MBTPS1: variants seen among roughly 807,000 people sequenced by gnomAD.
The protein encoded by MBTPS1 is membrane-bound transcription factor site-1 protease.
A neutral mutation model predicts 127.8 loss-of-function variants in MBTPS1; 94 were observed. The observed-to-expected ratio is 0.74, with a 90% confidence interval of 0.62 to 0.87. MBTPS1 has a LOEUF of 0.87. Ranked by LOEUF, MBTPS1 falls within the 40% of genes least tolerant of loss-of-function variation. The pLI is 0.00. For synonymous variants in MBTPS1, 632 were observed against 509.4 expected (o/e 1.24, Z -3.24); for missense variants, 1,636 against 1,353.2 (o/e 1.21, Z -3.28).
At chr16:84,080,979 GATTAGAGGA>G (rs1170992929) in intron 11 of MBTPS1, among the ~76,000 whole-genome samples, 1 of 152,254 alleles carries the variant, frequency 6.6e-6, no homozygotes, top group Non-Finnish European at 1.5e-5. Context: ...AACCGTCTGT[GATTAGAGGA>G]AACCAAGAAG....
chr16:84,057,258 T>A (rs1238473158), intron 21 of MBTPS1: 2 of 152,258 alleles, frequency 1.3e-5, no homozygotes, highest in African/African-American at 4.8e-5. Context: ...TCAGGCTTAA[T>A]CAGTCTGAAA....
At chr16:84,105,556 G>C (rs895033430) in intron 1 of MBTPS1, among the ~76,000 whole-genome samples, 2 of 152,098 alleles carry the variant, frequency 1.3e-5, no homozygotes, top group African/African-American at 4.8e-5. Context: ...GGGAGGAGCA[G>C]AGCATCCCAA....
At chr16:84,085,869 C>G (rs2086014953) in intron 9 of MBTPS1, 1 of 151,840 alleles carries the variant, frequency 6.6e-6, no homozygotes, top group Non-Finnish European at 1.5e-5. Flanking sequence ...AAAACCCAAA[C>G]ATGTTTCTTT....
chr16:84,085,163 A>G (rs2086002337), intron 9 of MBTPS1, 29 bp from the exon 10 acceptor site: 1 of 1,611,118 alleles, frequency 6.2e-7, no homozygotes, highest in Non-Finnish European at 8.5e-7. Flanking sequence ...TGGTTGCTAC[A>G]TCTCGCACAT....
chr16:84,058,306 C>G (rs2085550222), intron 21 of MBTPS1, among the ~76,000 whole-genome samples: 2 of 152,260 alleles, frequency 1.3e-5, no homozygotes, highest in South Asian at 4.1e-4. Flanking sequence ...GGGCACTCTC[C>G]TCTTCGCCTT....
rs758247595 is a variant in MBTPS1 at position 84,063,313 on chromosome 16, C to G, written c.2564G>C (p.Arg855Pro). The G allele has an allele frequency of 6.2e-7, 1 of 1,610,080 alleles. No individual in the cohort carries two copies. Among genetic ancestry groups the G allele is most frequent in the African/African-American group, 1.3e-5 (1 of 75,012 alleles). The change falls in exon 19 of 23, where the codon CGA becomes CCA. Residue 855 changes from arginine (R) to proline (P), a missense_variant. Transcript: ENST00000343411. ...GDSNCLDDSH[R>P]QKDCFWLLDA... ...ATCTGCGTTTTTCCTACCCTTCTGT[C>G]GGTGACTGTCATCCAAGCAATTGGA... is the stretch of plus-strand genomic sequence containing the variant.
chr16:84,060,853 T>C (rs1183691110), intron 19 of MBTPS1, 40 bp from the exon 20 acceptor site: 1 of 1,535,584 alleles, frequency 6.5e-7, no homozygotes, highest in Non-Finnish European at 8.8e-7. Context: ...TCCTTTTTTT[T>C]TTTCCAGACA....
rs2085979567 is a variant in MBTPS1, at chr16:84,083,906, TG to T, written c.1286+1076del. On this transcript the variant is annotated intron_variant, in intron 10 of 22. Transcript: ENST00000343411. ...AGAGTAAAGAAACACGGGCCACCGA[TG>T]AAAGTGAGAACATGTGAACATCAAC... is the stretch of plus-strand genomic sequence containing the variant. 3.9e-5 allele frequency among the ~76,000 whole-genome samples: 6 copies of T among 152,300 alleles called. No homozygotes were observed. The South Asian group carries it at 1.2e-3, about 32-fold the overall frequency.
At chr16:84,077,559 C>T (rs2085878682) in intron 11 of MBTPS1, among the ~76,000 whole-genome samples, 1 of 152,176 alleles carries the variant, frequency 6.6e-6, no homozygotes, top group African/African-American at 2.4e-5. Context: ...GAAAAAATTA[C>T]ATCCCTACCT....
At chr16:84,099,417 C>A in intron 2 of MBTPS1, 107 bp from the exon 3 acceptor site, 1 of 1,123,080 alleles carries the variant, frequency 8.9e-7, no homozygotes, top group South Asian at 1.6e-5. Context: ...TATCTTAAAG[C>A]CCACAGCAGA....
intron 9 of MBTPS1, 137 bp from the exon 10 acceptor site, chr16:84,085,271 C>G: frequency 1.1e-6 from 1 of 875,252 alleles, no homozygotes; most frequent in Non-Finnish European, 1.7e-6. Flanking sequence ...TGGTTTTAGT[C>G]TGAAATTCAC....
chr16:84,105,973 T>C (rs2086318353), intron 1 of MBTPS1, among the ~76,000 whole-genome samples: 1 of 152,134 alleles, frequency 6.6e-6, no homozygotes, highest in Non-Finnish European at 1.5e-5. Context: ...ATACAGTATT[T>C]AGCTGGTGAT....
intron 1 of MBTPS1, among the ~76,000 whole-genome samples, chr16:84,115,949 A>G (rs1193240378): frequency 6.6e-6 from 1 of 152,160 alleles, no homozygotes; most frequent in Non-Finnish European, 1.5e-5. Flanking sequence ...AGATTGAAAA[A>G]AAAAAAAATG....
intron 6 of MBTPS1, among the ~76,000 whole-genome samples, chr16:84,092,755 C>A (rs117755512): frequency 0.016 from 2,450 of 152,276 alleles, 36 homozygotes; most frequent in Non-Finnish European, 0.023. Flanking sequence ...TCCCATTACC[C>A]AACACAATGC....
At chr16:84,111,460 G>T (rs886932212) in intron 1 of MBTPS1, among the ~76,000 whole-genome samples, 3 of 152,038 alleles carry the variant, frequency 2.0e-5, no homozygotes, top group African/African-American at 7.2e-5. Flanking sequence ...AGAATCACTT[G>T]AACCCGGGAG....
intron 10 of MBTPS1, among the ~76,000 whole-genome samples, chr16:84,082,367 G>A (rs1460045873): frequency 1.3e-5 from 2 of 152,120 alleles, no homozygotes; most frequent in Admixed American, 6.5e-5. Flanking sequence ...GAGGACCGCC[G>A]CCTCCAAAGC....
At chr16:84,054,852 G>C (rs1209686685) in intron 22 of MBTPS1, among the ~76,000 whole-genome samples, 1 of 152,208 alleles carries the variant, frequency 6.6e-6, no homozygotes, top group Non-Finnish European at 1.5e-5. Flanking sequence ...GCCACTTCCT[G>C]TGGGGTGGAG....
chr16:84,066,458 A>G, intron 17 of MBTPS1, 31 bp downstream of exon 17: 1 of 1,611,218 alleles, frequency 6.2e-7, no homozygotes, highest in Non-Finnish European at 8.5e-7. Context: ...TCTCACACCT[A>G]AGACCACGCC....
At chr16:84,084,472 T>C (rs934685080) in intron 10 of MBTPS1, among the ~76,000 whole-genome samples, 3 of 152,252 alleles carry the variant, frequency 2.0e-5, no homozygotes, top group African/African-American at 2.4e-5. Context: ...GATGTGTTCA[T>C]TCGTTTCACT....
Sources: gnomAD v4.1 joint callset for allele counts (sites outside exome capture counted in the v4.1 genomes callset) on GRCh38, gnomAD v4.1.1 for gene constraint, MANE v1.5 for transcripts, NCBI Gene and HGNC (gene_info 2026-07-23, HGNC 2026-07-21) for gene names.